Variants in MTMR14 observed in about 807,000 individuals in gnomAD.
MTMR14 encodes the protein phosphatidylinositol-3,5-bisphosphate 3-phosphatase MTMR14.
In MTMR14, 48 loss-of-function variants were observed where a neutral mutation model predicts 86.3. The observed-to-expected ratio is 0.56, with a 90% CI of 0.44 to 0.71. The LOEUF (loss-of-function observed/expected upper bound fraction) is 0.71. Ranked by LOEUF, MTMR14 falls within the 30% of genes least tolerant of loss-of-function variation. The probability of loss-of-function intolerance (pLI) is 0.00; values close to 1 mark genes in which losing one functional copy is unlikely to be tolerated. For synonymous variants in MTMR14, 366 were observed against 326.1 expected (o/e 1.12, Z -1.32); for missense variants, 780 against 834.6 (o/e 0.93, Z 0.81).
At position 9,697,781 on chromosome 3, in the gene MTMR14, T is replaced by A. The variant is rs1553685959; in HGVS notation, c.1684T>A (p.Cys562Ser). The change falls in exon 18 of 19, where the codon TGT (cysteine) becomes AGT (serine). Residue 562 changes from cysteine to serine, a missense_variant. Transcript: ENST00000296003. ...DYGSWQMVTGCGSIQERAVLH... is the reference protein window; with the variant it reads ...DYGSWQMVTGSGSIQERAVLH... ...TGGCAGCTGGCAGATGGTAACGGGC[T>A]GTGGCAGTATTCAGGAGCGGGCTGT... 6.2e-7 allele frequency: 1 copy of A among 1,614,210 alleles called. No individual in the cohort carries two copies. Among genetic ancestry groups the A allele is most frequent in the South Asian group, 1.1e-5 (1 of 91,092 alleles).
intron 5 of MTMR14, 80 bp downstream of exon 5, chr3:9,669,572 C>T (rs552046437): frequency 3.5e-5 from 51 of 1,452,630 alleles, no homozygotes; most frequent in Non-Finnish European, 4.3e-5. Flanking sequence ...TCATATTGTC[C>T]GTGGGTATTT....
At chr3:9,653,135 TGAGACAG>T (rs1177709638) in intron 1 of MTMR14, among the ~76,000 whole-genome samples, 1 of 152,018 alleles carries the variant, frequency 6.6e-6, no homozygotes, top group Non-Finnish European at 1.5e-5. Flanking sequence ...CTACTCGGGG[TGAGACAG>T]GAGAATCGCT....
chr3:9,694,197 A>G (rs564797974), intron 17 of MTMR14, among the ~76,000 whole-genome samples: 32 of 152,316 alleles, frequency 2.1e-4, no homozygotes, highest in Middle Eastern at 3.4e-3. Flanking sequence ...TATTATCAGC[A>G]AGGGCTTTGG....
At position 9,690,159 on chromosome 3, in the gene MTMR14, GC is replaced by G. The variant is rs1282916757; in HGVS notation, c.1613+19del. The G allele has an allele frequency of 6.2e-7, 1 of 1,613,148 alleles. No homozygotes were observed. The highest frequency in any genetic ancestry group is 1.3e-5 in the African/African-American group (1 of 74,934). On this transcript the variant is annotated intron_variant, in intron 17 of 18. Coordinates refer to ENST00000296003, the MANE Select transcript of MTMR14 (RefSeq NM_001077525.3). The stretch of plus-strand genomic sequence containing the variant: ...CCAAACCCAGGTGAGGAGCTCCAAA[GC>G]CCTTGCTGTTGGAAGTGCCTAGCTT...
Position 9,689,042 on chromosome 3 carries a change from G to A in MTMR14, c.1393G>A (p.Val465Met), listed in dbSNP as rs187675974. ...GATGSFTYEA[V>M]ELVPAGAPTQ... ...CACTGGGAGCTTCACCTATGAGGCCGTGGAGCTGGTCCCAGCAGGAGCGCC... is the reference window on the plus strand; with the variant it reads ...CACTGGGAGCTTCACCTATGAGGCCATGGAGCTGGTCCCAGCAGGAGCGCC... The change falls in exon 16 of 19, where the codon GTG (valine) becomes ATG (methionine). Residue 465 changes from valine (V) to methionine (M), a missense_variant. Coordinates refer to ENST00000296003, the MANE Select transcript of MTMR14 (RefSeq NM_001077525.3). 26 of 1,613,544 alleles carry A rather than the reference G, an allele frequency of 1.6e-5. No homozygotes were observed. The highest frequency in any genetic ancestry group is 4.5e-5 in the East Asian group (2 of 44,882).
At chr3:9,661,663 G>A (rs2125041524) in intron 2 of MTMR14, among the ~76,000 whole-genome samples, 2 of 152,188 alleles carry the variant, frequency 1.3e-5, no homozygotes, top group South Asian at 4.1e-4. Flanking sequence ...GGACACCCTA[G>A]ACATAATATC....
chr3:9,701,845 T>C lies in MTMR14; in HGVS notation c.1825T>C (p.Leu609=). ...GCTGCAGGAGGTGCGCTCAGCCTTC[T>C]TGGCTGCGTACAGCAGCACAGTGGG... is the stretch of plus-strand genomic sequence containing the variant. ...TRLQEVRSAF[L]AAYSSTVGLR... Residue 609 remains leucine (L), a synonymous_variant, in exon 19 of 19, where the codon TTG becomes CTG. Coordinates refer to ENST00000296003, the MANE Select transcript of MTMR14 (RefSeq NM_001077525.3). The surrounding 1 kb of genome is among the most constrained non-coding windows in gnomAD (Gnocchi z 4.2). The C allele has an allele frequency of 6.2e-7, 1 of 1,613,894 alleles. No individual in the cohort carries two copies. Among genetic ancestry groups the C allele is most frequent in the Non-Finnish European group, 8.5e-7 (1 of 1,180,044 alleles).
At chr3:9,687,377 A>C (rs1375899959) in intron 13 of MTMR14, among the ~76,000 whole-genome samples, 1 of 151,944 alleles carries the variant, frequency 6.6e-6, no homozygotes, top group Non-Finnish European at 1.5e-5. Context: ...AACACGGTGA[A>C]ACCCTGTCTC....
chr3:9,693,737 A>G (rs1354190051), intron 17 of MTMR14, among the ~76,000 whole-genome samples: 1 of 152,226 alleles, frequency 6.6e-6, no homozygotes. Flanking sequence ...CGTGTGTTCA[A>G]GGATCAGCTG....
Position 9,677,202 on chromosome 3 carries a change from G to T in MTMR14, c.752-115G>T. 1.1e-6 allele frequency: 1 copy of T among 873,600 alleles called. No homozygotes were observed. The highest frequency in any genetic ancestry group is 1.9e-6 in the Non-Finnish European group (1 of 531,314). 54.1% of individuals were successfully genotyped at this position (873,600 alleles called of 1,614,324 possible). A position where few individuals can be genotyped will look rare whatever the true frequency, so the allele number is the denominator to read the frequency against. On this transcript the variant is annotated intron_variant, in intron 7 of 18. Transcript: ENST00000296003. This position sits in a 1 kb window ranked among gnomAD's most constrained non-coding sequence, Gnocchi z 4.2. Reference sequence around the variant, plus strand: ...TCACTGAAGCCACTAGCTTGGAGAAGTGTGAGTTGGCGGCCCCCTCTCCAC... The same window carrying T: ...TCACTGAAGCCACTAGCTTGGAGAATTGTGAGTTGGCGGCCCCCTCTCCAC...
At chr3:9,689,802 C>T (rs976505717) in intron 16 of MTMR14, among the ~76,000 whole-genome samples, 162 bp from the exon 17 acceptor site, 1 of 152,242 alleles carries the variant, frequency 6.6e-6, no homozygotes, top group African/African-American at 2.4e-5. Flanking sequence ...AAGACCCAGC[C>T]CTGCTGCCCA....
chr3:9,663,157 G>A (rs1166220591), intron 3 of MTMR14, among the ~76,000 whole-genome samples: 1 of 152,146 alleles, frequency 6.6e-6, no homozygotes. Context: ...ATTGGTCCAA[G>A]AAGAGTGGAC....
rs1372642500 is a variant in MTMR14, at chr3:9,668,585, T to C, written c.418-134T>C. On this transcript the variant is annotated intron_variant, in intron 3 of 18. Transcript: ENST00000296003. ...TTCTGACTGATTGTGGCAGCCTTGATGCTGATAAAACTTTGGGGAGTGCTC... is the reference window on the plus strand; with the variant it reads ...TTCTGACTGATTGTGGCAGCCTTGACGCTGATAAAACTTTGGGGAGTGCTC... The C allele has an allele frequency of 3.4e-5, 28 of 815,156 alleles. No individual in the cohort carries two copies. The East Asian group carries it at 7.0e-4, about 20-fold the overall frequency. The allele number at this position is 815,156 out of a possible 1,614,324, so 50.5% of individuals were successfully genotyped here.
chr3:9,666,847 G>C (rs1469689186), intron 3 of MTMR14, among the ~76,000 whole-genome samples: 6 of 151,556 alleles, frequency 4.0e-5, no homozygotes, highest in Non-Finnish European at 7.4e-5. Flanking sequence ...TTTTCAGTCA[G>C]GAGCCAGCTT....
In MTMR14 at chr3:9,701,515, T is replaced by C. The variant is rs1301578119; in HGVS notation, c.1770-275T>C. 8 of 492,756 alleles carry C rather than the reference T, an allele frequency of 1.6e-5. No individual in the cohort carries two copies. Among genetic ancestry groups the C allele is most frequent in the Non-Finnish European group, 2.6e-5 (7 of 271,344 alleles). The allele number at this position is 492,756 out of a possible 1,614,324, so 30.5% of individuals were successfully genotyped here. A position where few individuals can be genotyped will look rare whatever the true frequency, so the allele number is the denominator to read the frequency against. On this transcript the variant is annotated intron_variant, in intron 18 of 18. Coordinates refer to ENST00000296003, the MANE Select transcript of MTMR14 (RefSeq NM_001077525.3). This position sits in a 1 kb window ranked among gnomAD's most constrained non-coding sequence, Gnocchi z 4.2. The stretch of plus-strand genomic sequence containing the variant: ...CCAGCCTGGGCAATAGAGTGAGACC[T>C]TGTCTCAAGAAAAAAAAAAAAAAGG...
At chr3:9,659,764 G>GT in intron 2 of MTMR14, 1 of 456,706 alleles carries the variant, frequency 2.2e-6, no homozygotes, top group Non-Finnish European at 4.4e-6. Context: ...GGAGCTTGAT[G>GT]TAGGGGAACC....
In MTMR14 at chr3:9,682,137, C is replaced by T. The variant is rs567104980; in HGVS notation, c.898-1041C>T. 9.2e-5 allele frequency among the ~76,000 whole-genome samples: 14 copies of T among 152,314 alleles called. No homozygotes were observed. In the East Asian group the frequency reaches 1.3e-3, roughly 15 times the overall value. ...TCCATTGGCAATGGTGTGTCTGACA[C>T]GTTGAGCCAGATGAGTTGAGAGACC... On this transcript the variant is annotated intron_variant, in intron 9 of 18. Transcript: ENST00000296003.
intron 17 of MTMR14, among the ~76,000 whole-genome samples, 173 bp from the exon 18 acceptor site, chr3:9,697,538 A>G (rs146462260): frequency 6.4e-4 from 97 of 151,650 alleles, no homozygotes; most frequent in African/African-American, 2.1e-3. Context: ...CTGGTGATCT[A>G]TTCTTTTTTC....
At chr3:9,700,564 C>T (rs1206750538) in intron 18 of MTMR14, 1 of 152,232 alleles carries the variant, frequency 6.6e-6, no homozygotes, top group Non-Finnish European at 1.5e-5. Flanking sequence ...GAGGGGCTTT[C>T]ATCTGTGATC....
Sources: allele counts gnomAD v4.1 joint callset (sites outside exome capture counted in the v4.1 genomes callset), GRCh38; gene constraint gnomAD v4.1.1; non-coding constraint Gnocchi (gnomAD v3.1); transcripts MANE v1.5; gene names NCBI Gene and HGNC (gene_info 2026-07-23, HGNC 2026-07-21).